NLGN1: variants seen among roughly 807,000 people sequenced by gnomAD.
NLGN1 encodes neuroligin-1.
NLGN1 carries 12 observed loss-of-function variants against 65.5 expected under a neutral mutation model. That is an observed-to-expected ratio of 0.18 (90% CI 0.12 to 0.30). The LOEUF is 0.30. Ranked by LOEUF, NLGN1 falls within the 10% of genes least tolerant of loss-of-function variation. NLGN1 has a pLI of 1.00. For missense variants in NLGN1, 750 were observed against 1,007.1 expected, an observed-to-expected ratio of 0.74 and a Z score of 3.46; for synonymous variants, 350 against 359.5, an observed-to-expected ratio of 0.97 and a Z score of 0.30.
chr3:173,488,660 T>A (rs1406724554), intron 2 of NLGN1, among the ~76,000 whole-genome samples: 1 of 152,110 alleles, frequency 6.6e-6, no homozygotes, highest in African/African-American at 2.4e-5. Context: ...GTTCTTGGTA[T>A]TCAAAAGTAA....
At chr3:173,687,515 A>G (rs992716712) in intron 3 of NLGN1, among the ~76,000 whole-genome samples, 16 of 152,314 alleles carry the variant, frequency 1.1e-4, no homozygotes, top group Middle Eastern at 3.4e-3. Flanking sequence ...TGATTTTCCT[A>G]AATGGTAACT....
chr3:173,783,834 C>T (rs778835738), intron 3 of NLGN1, among the ~76,000 whole-genome samples: 3 of 152,042 alleles, frequency 2.0e-5, no homozygotes, highest in Non-Finnish European at 4.4e-5. Context: ...AGGCTGGTCT[C>T]GAACTCCTGA....
At chr3:174,146,140 C>CCTTT (rs1723218592) in intron 4 of NLGN1, among the ~76,000 whole-genome samples, 1 of 143,858 alleles carries the variant, frequency 7.0e-6, no homozygotes, top group Non-Finnish European at 1.5e-5. Context: ...TTCCTTCCTT[C>CCTTT]CTTCCTTCCT....
At chr3:173,765,946 G>T (rs180819937) in intron 3 of NLGN1, among the ~76,000 whole-genome samples, 1 of 151,998 alleles carries the variant, frequency 6.6e-6, no homozygotes, top group African/African-American at 2.4e-5. Flanking sequence ...TTGAATGTAG[G>T]TCATGCTCAT....
At chr3:174,071,831 C>T (rs542772385) in intron 4 of NLGN1, among the ~76,000 whole-genome samples, 1 of 151,902 alleles carries the variant, frequency 6.6e-6, no homozygotes, top group Non-Finnish European at 1.5e-5. Context: ...GTTTTCTGAC[C>T]GAAACCGTAT....
intron 4 of NLGN1, among the ~76,000 whole-genome samples, chr3:174,032,965 A>G (rs1730326982): frequency 6.6e-6 from 1 of 151,292 alleles, no homozygotes; most frequent in Admixed American, 6.6e-5. Flanking sequence ...AAATATATGT[A>G]TATATATTTA....
intron 4 of NLGN1, among the ~76,000 whole-genome samples, chr3:173,848,074 T>C (rs1039829214): frequency 2.6e-5 from 4 of 152,132 alleles, no homozygotes; most frequent in African/African-American, 9.7e-5. Context: ...ATTACCTGGG[T>C]TCAGATTATA....
intron 3 of NLGN1, among the ~76,000 whole-genome samples, chr3:173,616,538 A>G (rs1330154751): frequency 6.6e-6 from 1 of 152,178 alleles, no homozygotes; most frequent in East Asian, 1.9e-4. Context: ...TAGGCTTCAA[A>G]TAAGTGAGGT....
Position 174,056,941 on chromosome 3 carries a change from A to G in NLGN1, c.647-218374A>G, listed in dbSNP as rs543291709. Among the ~76,000 whole-genome samples the G allele has an allele frequency of 2.6e-5, 4 of 151,880 alleles. No individual in the cohort carries two copies. In the East Asian group the frequency reaches 5.8e-4, roughly 22 times the overall value. ...ATATTTTTTTTCATTTTTCTACATT[A>G]TGATTAATCACTTGCTGATTGACAT... is the stretch of plus-strand genomic sequence containing the variant. On this transcript the variant is annotated intron_variant, in intron 4 of 6. Coordinates refer to ENST00000457714, the Ensembl canonical transcript of NLGN1.
At chr3:173,755,502 G>A (rs1368723488) in intron 3 of NLGN1, among the ~76,000 whole-genome samples, 1 of 151,950 alleles carries the variant, frequency 6.6e-6, no homozygotes, top group Non-Finnish European at 1.5e-5. Flanking sequence ...AGGTTCTTTG[G>A]GAGCAATTTT....
intron 4 of NLGN1, among the ~76,000 whole-genome samples, chr3:174,135,506 TA>T (rs1451857652): frequency 6.6e-6 from 1 of 152,162 alleles, no homozygotes; most frequent in Non-Finnish European, 1.5e-5. Context: ...ATAACACAGA[TA>T]AATCTTTGAA....
In NLGN1 at chr3:174,081,445, A is replaced by C. The variant is rs75590403; in HGVS notation, c.647-193870A>C. Among the ~76,000 whole-genome samples the C allele has an allele frequency of 9.3e-3, 1,409 of 152,192 alleles. 26 individuals are homozygous for C. The highest frequency in any genetic ancestry group is 0.032 in the African/African-American group (1,327 of 41,528). On this transcript the variant is annotated intron_variant, in intron 4 of 6. Coordinates refer to ENST00000457714, the Ensembl canonical transcript of NLGN1. ...CCTGTTACATATAAGGTGTCTTCTC[A>C]TGGAGTACTAGCATGGCAGAAGAGG...
At chr3:173,807,419 A>C (rs1474233092) in intron 3 of NLGN1, among the ~76,000 whole-genome samples, 1 of 152,160 alleles carries the variant, frequency 6.6e-6, no homozygotes, top group East Asian at 1.9e-4. Context: ...ACTAAAATTC[A>C]CATCTAATTT....
chr3:173,643,492 T>C (rs1365791118), intron 3 of NLGN1, among the ~76,000 whole-genome samples: 3 of 152,026 alleles, frequency 2.0e-5, no homozygotes, highest in Admixed American at 6.6e-5. Flanking sequence ...TCAGAAACAA[T>C]GTAAGTGAAA....
chr3:173,970,032 A>T (rs956925461), intron 4 of NLGN1, among the ~76,000 whole-genome samples: 1 of 152,146 alleles, frequency 6.6e-6, no homozygotes, highest in Non-Finnish European at 1.5e-5. Flanking sequence ...GATATGCATT[A>T]AGTATGTGCA....
intron 4 of NLGN1, among the ~76,000 whole-genome samples, chr3:173,820,192 A>ACC (rs1719985584): frequency 6.9e-6 from 1 of 145,698 alleles, no homozygotes; most frequent in Non-Finnish European, 1.5e-5. Flanking sequence ...AAAAAAAAAA[A>ACC]AAAAAAAAAA....
intron 3 of NLGN1, among the ~76,000 whole-genome samples, chr3:173,718,461 GA>G (rs551577460): frequency 1.3e-5 from 2 of 152,002 alleles, no homozygotes; most frequent in Non-Finnish European, 2.9e-5. Context: ...CCATGTTGCT[GA>G]AAAAAATGCC....
chr3:174,224,160 T>C (rs1739170105), intron 4 of NLGN1, among the ~76,000 whole-genome samples: 1 of 152,210 alleles, frequency 6.6e-6, no homozygotes, highest in Admixed American at 6.5e-5. Context: ...AGCAACCACT[T>C]TCAGGGTTCT....
intron 2 of NLGN1, among the ~76,000 whole-genome samples, chr3:173,506,407 T>G (rs1467430484): frequency 6.6e-6 from 1 of 152,082 alleles, no homozygotes; most frequent in Non-Finnish European, 1.5e-5. Context: ...CTTGGGCAAA[T>G]TCATAGTCCT....
Sources: gnomAD v4.1 joint callset for allele counts (sites outside exome capture counted in the v4.1 genomes callset) on GRCh38, gnomAD v4.1.1 for gene constraint, MANE v1.5 for transcripts, NCBI Gene and HGNC (gene_info 2026-07-23, HGNC 2026-07-21) for gene names.